The following NFIA variants were observed in gnomAD, a reference collection of about 807,000 sequenced individuals.
NFIA encodes the protein nuclear factor 1 A-type.
In NFIA, 8 loss-of-function variants were observed where a neutral mutation model predicts 62.8. The ratio of observed to expected loss-of-function variants is 0.13; its 90% CI spans 0.07 to 0.23. The LOEUF (loss-of-function observed/expected upper bound fraction) is 0.23. NFIA is among the 10% of genes least tolerant of loss of function. The probability of loss-of-function intolerance (pLI) is 1.00; values close to 1 mark genes in which losing one functional copy is unlikely to be tolerated. For missense variants in NFIA, 410 were observed against 642.1 expected, an observed-to-expected ratio of 0.64 and a Z score of 3.91; for synonymous variants, 235 against 238.1, an observed-to-expected ratio of 0.99 and a Z score of 0.12.
At chr1:61,400,831 T>C (rs1297466358) in intron 7 of NFIA, among the ~76,000 whole-genome samples, 1 of 152,214 alleles carries the variant, frequency 6.6e-6, no homozygotes, top group Non-Finnish European at 1.5e-5. Context: ...AGTGGCTCTT[T>C]CTAAAATGAT....
intron 3 of NFIA, among the ~76,000 whole-genome samples, chr1:61,317,644 A>G (rs193185825): frequency 6.8e-4 from 103 of 152,032 alleles, no homozygotes; most frequent in African/African-American, 2.3e-3. Context: ...AATTCACTTA[A>G]ATAAAATTAC....
intron 2 of NFIA, among the ~76,000 whole-genome samples, chr1:61,172,489 A>G (rs1220065273): frequency 6.6e-6 from 1 of 152,242 alleles, no homozygotes; most frequent in Non-Finnish European, 1.5e-5. Context: ...TGAAATATTT[A>G]ACAAGAAGCT....
intron 6 of NFIA, among the ~76,000 whole-genome samples, chr1:61,370,403 C>G (rs1316567921): frequency 6.6e-6 from 1 of 152,162 alleles, no homozygotes; most frequent in Non-Finnish European, 1.5e-5. Flanking sequence ...AGAGGGCTGT[C>G]TCCAGCACTG....
At chr1:61,167,389 T>C (rs1227692940) in intron 2 of NFIA, among the ~76,000 whole-genome samples, 1 of 152,192 alleles carries the variant, frequency 6.6e-6, no homozygotes. Context: ...CATTATGATA[T>C]TATTTCATAG....
At chr1:61,185,041 G>A (rs79484896) in intron 2 of NFIA, among the ~76,000 whole-genome samples, 23,640 of 152,188 alleles carry the variant, frequency 0.16, 2,907 homozygotes, top group African/African-American at 0.32. Context: ...CTTTTAAAAG[G>A]TTTTAATGTC....
intron 3 of NFIA, among the ~76,000 whole-genome samples, chr1:61,330,444 C>CG (rs397965911): frequency 8.2e-6 from 1 of 122,130 alleles, no homozygotes; most frequent in African/African-American, 3.4e-5. Flanking sequence ...ACACCCCCCC[C>CG]ACACACACAC....
At chr1:61,257,132 A>C (rs577103619) in intron 2 of NFIA, among the ~76,000 whole-genome samples, 4 of 152,026 alleles carry the variant, frequency 2.6e-5, no homozygotes, top group African/African-American at 7.2e-5. Flanking sequence ...CCAGAGGAAA[A>C]CCCAATATCC....
At chr1:61,109,388 G>C (rs1243428477) in intron 2 of NFIA, among the ~76,000 whole-genome samples, 3 of 151,814 alleles carry the variant, frequency 2.0e-5, no homozygotes, top group Non-Finnish European at 4.4e-5. Context: ...CAAAGTCAAA[G>C]ATTCAGAGAT....
intron 9 of NFIA, among the ~76,000 whole-genome samples, chr1:61,409,346 A>G (rs565353385): frequency 6.6e-6 from 1 of 152,308 alleles, no homozygotes; most frequent in East Asian, 1.9e-4. Flanking sequence ...CTAGGGTATG[A>G]TGAATTCATA....
intron 6 of NFIA, among the ~76,000 whole-genome samples, chr1:61,377,267 T>C: frequency 6.6e-6 from 1 of 151,964 alleles, no homozygotes; most frequent in Non-Finnish European, 1.5e-5. Context: ...TTTGAGATAT[T>C]TATAAGTACA....
intron 2 of NFIA, among the ~76,000 whole-genome samples, chr1:61,256,223 A>G (rs1416471923): frequency 2.6e-5 from 4 of 152,248 alleles, no homozygotes; most frequent in African/African-American, 7.2e-5. Flanking sequence ...AGGTGAGGTC[A>G]GGAGTTCAAG....
intron 7 of NFIA, among the ~76,000 whole-genome samples, chr1:61,395,517 T>A (rs1248535523): frequency 2.0e-5 from 3 of 152,172 alleles, no homozygotes; most frequent in Admixed American, 2.0e-4. Flanking sequence ...CTCAAGTAAT[T>A]GTTTTGATTT....
chr1:61,306,266 G>GTTTTTTTT (rs1557695597), intron 3 of NFIA, among the ~76,000 whole-genome samples: 4 of 45,366 alleles, frequency 8.8e-5, no homozygotes, highest in Admixed American at 2.7e-4. Flanking sequence ...CCCAGATTTT[G>GTTTTTTTT]TTCTTTTTTT....
intron 3 of NFIA, among the ~76,000 whole-genome samples, chr1:61,293,385 C>T (rs899691375): frequency 1.3e-5 from 2 of 152,202 alleles, no homozygotes; most frequent in African/African-American, 4.8e-5. Context: ...ACAAAAGGAA[C>T]ATTATGGGTA....
chr1:61,181,326 A>G (rs913390072), intron 2 of NFIA, among the ~76,000 whole-genome samples: 2 of 152,232 alleles, frequency 1.3e-5, no homozygotes, highest in Non-Finnish European at 2.9e-5. Flanking sequence ...CGCCATGCCA[A>G]ATTAGAGCTT....
At chr1:61,363,478 C>T (rs1413071829) in intron 6 of NFIA, among the ~76,000 whole-genome samples, 3 of 152,020 alleles carry the variant, frequency 2.0e-5, no homozygotes, top group Admixed American at 2.0e-4. Context: ...GTGCTGCATG[C>T]CTATAATCCC....
intron 7 of NFIA, among the ~76,000 whole-genome samples, chr1:61,391,435 A>AACACAC (rs60938787): frequency 0.011 from 1,364 of 124,628 alleles, 22 homozygotes; most frequent in African/African-American, 0.01. Context: ...TTATGAATCA[A>AACACAC]ACACACACAC....
chr1:61,176,840 C>T (rs1278685124), intron 2 of NFIA, among the ~76,000 whole-genome samples: 1 of 152,086 alleles, frequency 6.6e-6, no homozygotes, highest in Non-Finnish European at 1.5e-5. Context: ...CGCGGTGGCT[C>T]ATACCTGTAA....
At chr1:61,275,048 T>C (rs571616340) in intron 2 of NFIA, among the ~76,000 whole-genome samples, 1 of 152,342 alleles carries the variant, frequency 6.6e-6, no homozygotes, top group East Asian at 1.9e-4. Context: ...TAGTATGCAG[T>C]CCTCAGATGG....
Sources: gnomAD v4.1 joint callset for allele counts (sites outside exome capture counted in the v4.1 genomes callset) on GRCh38, gnomAD v4.1.1 for gene constraint, MANE v1.5 for transcripts, NCBI Gene and HGNC (gene_info 2026-07-23, HGNC 2026-07-21) for gene names.